Variants in DDX60L observed in about 807,000 individuals in gnomAD.
DDX60L encodes the protein DExD/H-box 60 like, also known as probable ATP-dependent RNA helicase DDX60-like.
DDX60L carries 191 observed loss-of-function variants against 211.6 expected under a neutral mutation model. The ratio of observed to expected loss-of-function variants is 0.90; its 90% CI spans 0.80 to 1.02. DDX60L has a LOEUF of 1.02. Ranked by LOEUF, DDX60L falls within the 50% of genes least tolerant of loss-of-function variation. The pLI is 0.00. For synonymous variants in DDX60L, 706 were observed against 694.1 expected (o/e 1.02, Z -0.27); for missense variants, 2,007 against 1,984.1 (o/e 1.01, Z -0.22).
At chr4:168,467,704 A>T (rs1229101046) in intron 4 of DDX60L, among the ~76,000 whole-genome samples, 2 of 152,138 alleles carry the variant, frequency 1.3e-5, no homozygotes, top group East Asian at 3.9e-4. Context: ...AAAACTCTAG[A>T]CCCAAATGGT....
rs773418704 is a variant in DDX60L, at chr4:168,421,905, TC to T, written c.2248del (p.Glu750AsnfsTer6). 253 of 1,614,102 alleles carry T rather than the reference TC, an allele frequency of 1.6e-4. No individual in the cohort carries two copies. The highest frequency in any genetic ancestry group is 2.1e-4 in the Non-Finnish European group (242 of 1,180,004). ...QDFIPNAWQQ[E>X]LLDVVDKNES... ...ATTCTTATCTACCACATCCAGGAGT[TC>T]CTGCTGCAGGGTACAAAGCACCATT... On this transcript the variant is annotated frameshift_variant, in exon 17 of 38. Transcript: ENST00000682922. LOFTEE classifies it high-confidence loss of function.
At chr4:168,397,835 G>A (rs1472908786) in intron 26 of DDX60L, among the ~76,000 whole-genome samples, 1 of 152,204 alleles carries the variant, frequency 6.6e-6, no homozygotes, top group African/African-American at 2.4e-5. Flanking sequence ...TGGAAGTCCT[G>A]CCCACTTCTG....
intron 10 of DDX60L, among the ~76,000 whole-genome samples, chr4:168,437,304 C>T (rs1753179700): frequency 6.6e-6 from 1 of 152,128 alleles, no homozygotes; most frequent in Non-Finnish European, 1.5e-5. Flanking sequence ...AACAGAGAAA[C>T]TTGAACACAG....
chr4:168,383,955 T>C (rs1366451393), intron 30 of DDX60L, among the ~76,000 whole-genome samples: 1 of 152,120 alleles, frequency 6.6e-6, no homozygotes, highest in Non-Finnish European at 1.5e-5. Flanking sequence ...TTAATGTGGG[T>C]GGGCACCATC....
At chr4:168,429,650 TG>T (rs1752035774) in intron 13 of DDX60L, among the ~76,000 whole-genome samples, 1 of 152,234 alleles carries the variant, frequency 6.6e-6, no homozygotes, top group Non-Finnish European at 1.5e-5. Context: ...TTTGGGTCTG[TG>T]GCCCCACCAA....
At chr4:168,453,740 A>G (rs1167313033) in intron 7 of DDX60L, among the ~76,000 whole-genome samples, 1 of 152,224 alleles carries the variant, frequency 6.6e-6, no homozygotes, top group East Asian at 1.9e-4. Flanking sequence ...CAGAGACTTC[A>G]GAACTATTTT....
intron 10 of DDX60L, among the ~76,000 whole-genome samples, chr4:168,437,934 C>T (rs956288302): frequency 2.0e-5 from 3 of 152,150 alleles, no homozygotes; most frequent in South Asian, 2.1e-4. Flanking sequence ...AGTGCAGGGG[C>T]GCAATCTCAG....
At chr4:168,446,210 A>G (rs1754765130) in intron 9 of DDX60L, among the ~76,000 whole-genome samples, 1 of 152,162 alleles carries the variant, frequency 6.6e-6, no homozygotes, top group Non-Finnish European at 1.5e-5. Context: ...ATGTACAAAA[A>G]TCACCAGCAT....
At chr4:168,425,380 C>G (rs548874142) in intron 14 of DDX60L, among the ~76,000 whole-genome samples, 1 of 152,134 alleles carries the variant, frequency 6.6e-6, no homozygotes, top group East Asian at 1.9e-4. Flanking sequence ...CGTGGCCACA[C>G]GTGAAAAGGA....
At chr4:168,360,692 T>C (rs928604172) in intron 37 of DDX60L, among the ~76,000 whole-genome samples, 4 of 152,068 alleles carry the variant, frequency 2.6e-5, no homozygotes, top group African/African-American at 7.2e-5. Flanking sequence ...CAGATGAACA[T>C]AGGAAATCAA....
intron 9 of DDX60L, among the ~76,000 whole-genome samples, chr4:168,445,583 G>C (rs1288742879): frequency 6.6e-6 from 1 of 152,208 alleles, no homozygotes; most frequent in South Asian, 2.1e-4. Flanking sequence ...CAAAAGAAGA[G>C]AATTTTAGAC....
In DDX60L at chr4:168,471,772, C is replaced by T. The variant is rs372737743; in HGVS notation, c.239G>A (p.Gly80Glu). The change falls in exon 4 of 38, where the codon GGA (glycine) becomes GAA (glutamate). Residue 80 changes from glycine to glutamate, a missense_variant. Physicochemically the swap from Gly to Glu is moderately conservative, Grantham distance 98. Coordinates refer to ENST00000682922, the MANE Select transcript of DDX60L (RefSeq NM_001012967.3). ...CTTAAAGAAAACTATGGTGAATTGT[C>T]CTCCGTTACTCAGAAGATCCACAAG... The part of the protein sequence containing the change: ...CYLVDLLSNG[G>E]QFTIVFFKDA... 189 of 1,603,340 alleles carry T rather than the reference C, an allele frequency of 1.2e-4. No individual in the cohort carries two copies. The highest frequency in any genetic ancestry group is 1.6e-4 in the Non-Finnish European group (185 of 1,177,616).
chr4:168,431,576 T>C (rs1436188237), intron 12 of DDX60L, among the ~76,000 whole-genome samples: 3 of 142,368 alleles, frequency 2.1e-5, no homozygotes, highest in Non-Finnish European at 3.1e-5. Context: ...GGGGGAGGGA[T>C]AGCATTAAGA....
intron 11 of DDX60L, 67 bp downstream of exon 11, chr4:168,432,943 G>A (rs1034704733): frequency 1.1e-6 from 1 of 918,356 alleles, no homozygotes; most frequent in Non-Finnish European, 1.7e-6. Context: ...ACATTTTGAT[G>A]AGTCATTCAC....
chr4:168,432,859 T>C (rs1365161494), intron 11 of DDX60L, 151 bp downstream of exon 11: 1 of 489,056 alleles, frequency 2.0e-6, no homozygotes, highest in African/African-American at 2.0e-5. Context: ...ACATACTAGA[T>C]GTTACAATCA....
At chr4:168,451,018 A>G (rs916357024) in intron 8 of DDX60L, among the ~76,000 whole-genome samples, 3 of 152,226 alleles carry the variant, frequency 2.0e-5, no homozygotes, top group Non-Finnish European at 4.4e-5. Context: ...AGAATTTGAC[A>G]CTAATAAACC....
intron 26 of DDX60L, among the ~76,000 whole-genome samples, chr4:168,397,802 A>G (rs1746075166): frequency 6.6e-6 from 1 of 152,174 alleles, no homozygotes; most frequent in African/African-American, 2.4e-5. Context: ...TGCTCCATGG[A>G]GCCAGCAGAA....
At chr4:168,358,964 G>T (rs1738642838) in intron 37 of DDX60L, among the ~76,000 whole-genome samples, 1 of 151,680 alleles carries the variant, frequency 6.6e-6, no homozygotes, top group Non-Finnish European at 1.5e-5. Context: ...CCTAATATAG[G>T]GACAATTATT....
At chr4:168,450,156 G>C (rs777256402) in intron 8 of DDX60L, among the ~76,000 whole-genome samples, 5 of 152,134 alleles carry the variant, frequency 3.3e-5, no homozygotes, top group Admixed American at 1.3e-4. Flanking sequence ...ACCCTCCCCA[G>C]TATTGCTCCT....
Sources: gnomAD v4.1 joint callset for allele counts (sites outside exome capture counted in the v4.1 genomes callset) on GRCh38, gnomAD v4.1.1 for gene constraint, MANE v1.5 for transcripts, NCBI Gene and HGNC (gene_info 2026-07-23, HGNC 2026-07-21) for gene names.